The following TAB2 variants were observed in gnomAD, a reference collection of about 807,000 sequenced individuals.
TAB2 encodes the protein TGF-beta activated kinase 1 (MAP3K7) binding protein 2.
A neutral mutation model predicts 65.0 loss-of-function variants in TAB2; 3 were observed. The ratio of observed to expected loss-of-function variants is 0.05; its 90% CI spans 0.02 to 0.12. The LOEUF (loss-of-function observed/expected upper bound fraction) is 0.12, where lower values mean the gene tolerates loss of function less well. TAB2 is among the 10% of genes least tolerant of loss of function. The pLI, the probability that TAB2 is intolerant of heterozygous loss-of-function variation, is 1.00. For synonymous variants in TAB2, 298 were observed against 285.1 expected (o/e 1.05, Z -0.46); for missense variants, 623 against 840.3 (o/e 0.74, Z 3.20).
At chr6:149,380,180 A>G (rs1220046809) in intron 3 of TAB2, 3 of 242,260 alleles carry the variant, frequency 1.2e-5, no homozygotes, top group Non-Finnish European at 2.5e-5. Context: ...TTCAAAGGTT[A>G]GAGTGAACTG....
intron 1 of TAB2, among the ~76,000 whole-genome samples, chr6:149,348,295 G>C (rs1780368886): frequency 2.0e-5 from 3 of 152,034 alleles, no homozygotes; most frequent in Non-Finnish European, 2.9e-5. Context: ...AAGCTGGGGA[G>C]GGAAGATCCT....
chr6:149,248,379 G>A (rs374061953), intron 1 of TAB2, among the ~76,000 whole-genome samples: 13 of 146,736 alleles, frequency 8.9e-5, no homozygotes, highest in Middle Eastern at 3.5e-3. Flanking sequence ...GCGACAGAGC[G>A]AGACTATGTC....
At chr6:149,404,010 T>A (rs754109663) in intron 6 of TAB2, among the ~76,000 whole-genome samples, 3 of 152,044 alleles carry the variant, frequency 2.0e-5, no homozygotes, top group Non-Finnish European at 4.4e-5. Context: ...AAAATAAAGG[T>A]ATCCAAATCA....
At chr6:149,307,785 T>G (rs1779095715) in intron 1 of TAB2, among the ~76,000 whole-genome samples, 1 of 152,214 alleles carries the variant, frequency 6.6e-6, no homozygotes, top group Non-Finnish European at 1.5e-5. Context: ...GACATATTAG[T>G]AATCTAGTCA....
Position 149,409,621 on chromosome 6 carries a change from G to A in TAB2, c.1984G>A (p.Asp662Asn). 2 of 1,614,090 alleles carry A rather than the reference G, an allele frequency of 1.2e-6. No individual in the cohort carries two copies. Among genetic ancestry groups the A allele is most frequent in the Non-Finnish European group, 8.5e-7 (1 of 1,179,926 alleles). Residue 662 changes from aspartate (D) to asparagine (N), a missense_variant, in exon 7 of 7, where the codon GAT (aspartate) becomes AAT (asparagine). Asp to Asn is a conservative substitution (Grantham distance 23). Transcript: ENST00000637181. ...IKTPKTQDTE[D>N]DEGAQWNCTA... ...AACACCAAAGACTCAAGACACAGAA[G>A]ATGATGAGGGAGCTCAGTGGAATTG...
At chr6:149,229,837 T>C (rs1777365502) in intron 1 of TAB2, 1 of 152,252 alleles carries the variant, frequency 6.6e-6, no homozygotes, top group South Asian at 2.1e-4. Context: ...TTGCAAGCCA[T>C]TGAGCAGAGT....
At chr6:149,298,091 C>A (rs1423759681) in intron 1 of TAB2, among the ~76,000 whole-genome samples, 1 of 151,604 alleles carries the variant, frequency 6.6e-6, no homozygotes, top group African/African-American at 2.4e-5. Flanking sequence ...CTCAAAGAAC[C>A]CATTAGTACT....
intron 1 of TAB2, among the ~76,000 whole-genome samples, chr6:149,328,472 TTAG>T (rs757418031): frequency 1.3e-5 from 2 of 152,138 alleles, no homozygotes; most frequent in Non-Finnish European, 2.9e-5. Flanking sequence ...TTTTGTGTGT[TTAG>T]TAGAGACAGG....
At chr6:149,275,512 A>T (rs1318473395) in intron 1 of TAB2, among the ~76,000 whole-genome samples, 1 of 152,252 alleles carries the variant, frequency 6.6e-6, no homozygotes, top group Non-Finnish European at 1.5e-5. Flanking sequence ...AGACAAATTT[A>T]TCATGCAGAA....
intron 3 of TAB2, among the ~76,000 whole-genome samples, chr6:149,395,977 T>G (rs941670276): frequency 6.6e-6 from 1 of 152,128 alleles, no homozygotes; most frequent in African/African-American, 2.4e-5. Flanking sequence ...TCTTGTCTAT[T>G]CTCTCTGTTG....
chr6:149,293,362 G>C (rs1344374562), intron 1 of TAB2, among the ~76,000 whole-genome samples: 1 of 152,126 alleles, frequency 6.6e-6, no homozygotes, highest in Non-Finnish European at 1.5e-5. Flanking sequence ...TTGAGAGAAG[G>C]CTGGAAAGTG....
chr6:149,379,552 A>G (rs2114889620), intron 3 of TAB2, 34 bp downstream of exon 3: 3 of 1,605,884 alleles, frequency 1.9e-6, no homozygotes, highest in Non-Finnish European at 2.6e-6. Flanking sequence ...ATGGTTTTCC[A>G]TGCTGGGCTT....
intron 6 of TAB2, chr6:149,400,820 TC>T: frequency 1.0e-6 from 1 of 959,788 alleles, no homozygotes; most frequent in Non-Finnish European, 1.5e-6. Context: ...GTTTCCCCCT[TC>T]CACATTCTTT....
chr6:149,262,651 G>A (rs1778179037), intron 1 of TAB2, among the ~76,000 whole-genome samples: 1 of 152,080 alleles, frequency 6.6e-6, no homozygotes, highest in Non-Finnish European at 1.5e-5. Context: ...TTGCCATTTA[G>A]TGAAAACAGC....
At chr6:149,291,595 T>A (rs1778778646) in intron 1 of TAB2, 1 of 152,482 alleles carries the variant, frequency 6.6e-6, no homozygotes, top group African/African-American at 2.4e-5. Flanking sequence ...GTGCAGTGGC[T>A]CACGCCTGTA....
rs990378380 is a variant in TAB2, at chr6:149,379,244, A to G, written c.1329A>G (p.Ile443Met). The G allele has an allele frequency of 9.9e-6, 16 of 1,614,194 alleles. No individual in the cohort carries two copies. The highest frequency in any genetic ancestry group is 3.3e-5 in the Admixed American group (2 of 60,022). ...IHHHPPKSRA[I>M]GNNSATSPRV... Reference sequence around the variant, plus strand: ...ACCATCCTCCCAAAAGTCGAGCAATAGGCAATAACTCTGCAACCTCTCCTC... The same window carrying G: ...ACCATCCTCCCAAAAGTCGAGCAATGGGCAATAACTCTGCAACCTCTCCTC... The change falls in exon 3 of 7, where the codon ATA becomes ATG. Residue 443 changes from isoleucine (I) to methionine (M), a missense_variant. By Grantham distance (10) the Ile-to-Met change is conservative (BLOSUM62 1). Coordinates refer to ENST00000637181, the MANE Select transcript of TAB2 (RefSeq NM_001292034.3).
At chr6:149,292,983 T>A (rs1280297723) in intron 1 of TAB2, among the ~76,000 whole-genome samples, 1 of 152,228 alleles carries the variant, frequency 6.6e-6, no homozygotes, top group East Asian at 1.9e-4. Flanking sequence ...CAGGTACGTA[T>A]CTTCACTAGT....
At chr6:149,329,285 A>G (rs369133522) in intron 1 of TAB2, among the ~76,000 whole-genome samples, 2 of 152,062 alleles carry the variant, frequency 1.3e-5, no homozygotes, top group Non-Finnish European at 1.5e-5. Flanking sequence ...TTAGGACCCA[A>G]ATTAAGGCAC....
chr6:149,276,844 T>C lies in TAB2; in HGVS notation c.-121+58068T>C, dbSNP rs151298100. ...AGAGATACTCACATATATGCTGATA[T>C]GGTTTGGCTGTGTCCCCACCCAAAT... On this transcript the variant is annotated intron_variant, in intron 1 of 1. Transcript: ENST00000606202. Among the ~76,000 whole-genome samples, 878 of 152,342 alleles carry C rather than the reference T, an allele frequency of 5.8e-3. 6 individuals carry two copies. The highest frequency in any genetic ancestry group is 9.0e-3 in the Non-Finnish European group (611 of 68,020).
Sources: gnomAD v4.1 joint callset for allele counts (sites outside exome capture counted in the v4.1 genomes callset) on GRCh38, gnomAD v4.1.1 for gene constraint, MANE v1.5 for transcripts, NCBI Gene and HGNC (gene_info 2026-07-23, HGNC 2026-07-21) for gene names.